Variants in GSTCD observed in about 807,000 individuals in gnomAD.
GSTCD encodes glutathione S-transferase C-terminal domain-containing protein.
GSTCD carries 44 observed loss-of-function variants against 68.3 expected under a neutral mutation model. The ratio of observed to expected loss-of-function variants is 0.64; its 90% CI spans 0.51 to 0.83. The LOEUF is 0.83. GSTCD is among the 40% of genes least tolerant of loss of function. The pLI, the probability that GSTCD is intolerant of heterozygous loss-of-function variation, is 0.00. For synonymous variants in GSTCD, 273 were observed against 255.2 expected (o/e 1.07, Z -0.67); for missense variants, 739 against 735.9 (o/e 1.00, Z -0.05).
Position 105,729,620 on chromosome 4 carries a change from G to C in GSTCD, c.1240+121G>C, listed in dbSNP as rs190186964. 606 of 476,962 alleles carry C rather than the reference G, an allele frequency of 1.3e-3. 13 individuals are homozygous for C. The Admixed American group carries it at 0.018, about 14-fold the overall frequency. The allele number at this position is 476,962 out of a possible 1,614,324, so 29.5% of individuals were successfully genotyped here. A position where few individuals can be genotyped will look rare whatever the true frequency, so the allele number is the denominator to read the frequency against. On this transcript the variant is annotated intron_variant, in intron 5 of 11. Coordinates refer to ENST00000515279, the MANE Select transcript of GSTCD (RefSeq NM_001370181.1). ...ATATTCTGATTATACTATCAGTTGA[G>C]TTTTCATTTTATTTTTCTTATGAAA...
chr4:105,715,542 ATTAT>A lies in GSTCD; in HGVS notation c.-21-2048_-21-2045del, dbSNP rs370686927. ...AGAAATATAAAATAAAGCAGTAGTG[ATTAT>A]TTGTATTATTAAGAAACTTAGATAA... On this transcript the variant is annotated intron_variant, in intron 1 of 11. Coordinates refer to ENST00000515279, the MANE Select transcript of GSTCD (RefSeq NM_001370181.1). 6.1e-3 allele frequency among the ~76,000 whole-genome samples: 934 copies of A among 152,078 alleles called. 6 individuals carry two copies. Among genetic ancestry groups the A allele is most frequent in the African/African-American group, 0.021 (861 of 41,498 alleles).
intron 3 of GSTCD, among the ~76,000 whole-genome samples, chr4:105,722,974 A>T (rs1732918984): frequency 6.6e-6 from 1 of 151,970 alleles, no homozygotes; most frequent in African/African-American, 2.4e-5. Flanking sequence ...GGATATTAGT[A>T]GAGTGGCCTG....
chr4:105,755,879 C>A (rs1734169922), intron 5 of GSTCD, among the ~76,000 whole-genome samples: 2 of 151,918 alleles, frequency 1.3e-5, no homozygotes, highest in Non-Finnish European at 2.9e-5. Context: ...GCTTTCACAG[C>A]AGGTATGTAT....
At chr4:105,845,061 T>C (rs1446343306) in intron 11 of GSTCD, among the ~76,000 whole-genome samples, 2 of 152,246 alleles carry the variant, frequency 1.3e-5, no homozygotes, top group Non-Finnish European at 2.9e-5. Flanking sequence ...TAAATATTCT[T>C]AAAGACAAAT....
At chr4:105,768,295 G>A (rs1578455266) in intron 5 of GSTCD, among the ~76,000 whole-genome samples, 1 of 152,050 alleles carries the variant, frequency 6.6e-6, no homozygotes, top group African/African-American at 2.4e-5. Context: ...CTCCCAAAGT[G>A]CTAGGCTTAC....
intron 5 of GSTCD, among the ~76,000 whole-genome samples, chr4:105,749,467 G>A (rs779564947): frequency 1.7e-4 from 26 of 151,844 alleles, no homozygotes; most frequent in Non-Finnish European, 3.4e-4. Context: ...ATAGTAATTG[G>A]AGAGATAGAC....
At chr4:105,841,709 G>A (rs923734564) in intron 10 of GSTCD, among the ~76,000 whole-genome samples, 3 of 151,966 alleles carry the variant, frequency 2.0e-5, no homozygotes, top group Admixed American at 6.6e-5. Context: ...AAATTAGCCA[G>A]ATGTGGTGGC....
chr4:105,718,119 C>T, intron 2 of GSTCD, 80 bp downstream of exon 2: 2 of 1,105,814 alleles, frequency 1.8e-6, no homozygotes, highest in South Asian at 3.3e-5. Context: ...ATTTTAACTT[C>T]CTATTAGGAA....
chr4:105,788,221 A>G (rs961842856), intron 5 of GSTCD, among the ~76,000 whole-genome samples: 3 of 152,020 alleles, frequency 2.0e-5, no homozygotes, highest in Non-Finnish European at 2.9e-5. Context: ...TTTGTTTTAC[A>G]TTTTTAAATA....
chr4:105,802,464 A>G lies in GSTCD; in HGVS notation c.1241-20490A>G, dbSNP rs116684913. On this transcript the variant is annotated intron_variant, in intron 5 of 11. Transcript: ENST00000515279. ...TTTTCTTAGGATACCTAAAGGCAGT[A>G]GAATCTTTTTGTTTGTTATTTTTAC... Among the ~76,000 whole-genome samples the G allele has an allele frequency of 3.5e-3, 533 of 152,202 alleles. 4 individuals are homozygous for G. The highest frequency in any genetic ancestry group is 0.012 in the African/African-American group (505 of 41,552).
chr4:105,767,912 T>C (rs1734682517), intron 5 of GSTCD, among the ~76,000 whole-genome samples: 1 of 134,618 alleles, frequency 7.4e-6, no homozygotes, highest in Admixed American at 7.8e-5. Flanking sequence ...TCTCGAAGTG[T>C]CATCTTGAGA....
At position 105,719,586 on chromosome 4, in the gene GSTCD, G is replaced by A; in HGVS notation, c.894+59G>A. 3 of 1,263,464 alleles carry A rather than the reference G, an allele frequency of 2.4e-6. No individual in the cohort carries two copies. In the African/African-American group the frequency reaches 4.5e-5, roughly 19 times the overall value. The allele number at this position is 1,263,464 out of a possible 1,614,324, so 78.3% of individuals were successfully genotyped here. A position where few individuals can be genotyped will look rare whatever the true frequency, so the allele number is the denominator to read the frequency against. ...GAGTTTCAGTCTATGAAATTGCCTA[G>A]GTTTGAATTTCTGTTTTACTTTTTA... is the stretch of plus-strand genomic sequence containing the variant. On this transcript the variant is annotated intron_variant, in intron 3 of 11. Transcript: ENST00000515279.
At chr4:105,817,439 A>C (rs896127230) in intron 5 of GSTCD, among the ~76,000 whole-genome samples, 1 of 151,804 alleles carries the variant, frequency 6.6e-6, no homozygotes, top group African/African-American at 2.4e-5. Flanking sequence ...ATGCCATCAC[A>C]CTGTTAAGCT....
At chr4:105,783,865 A>G (rs1162223599) in intron 5 of GSTCD, among the ~76,000 whole-genome samples, 1 of 152,108 alleles carries the variant, frequency 6.6e-6, no homozygotes, top group Non-Finnish European at 1.5e-5. Flanking sequence ...CTCTTTTGTC[A>G]TTTATGATCT....
chr4:105,819,502 G>A (rs921459771), intron 5 of GSTCD, among the ~76,000 whole-genome samples: 1 of 151,750 alleles, frequency 6.6e-6, no homozygotes, highest in African/African-American at 2.4e-5. Flanking sequence ...ATATAGATGA[G>A]TATTGGGCAT....
At chr4:105,786,038 C>T (rs943896857) in intron 5 of GSTCD, among the ~76,000 whole-genome samples, 1 of 152,156 alleles carries the variant, frequency 6.6e-6, no homozygotes, top group African/African-American at 2.4e-5. Context: ...TTACATCATA[C>T]TCATAATTTA....
chr4:105,743,601 A>C (rs1245028302), intron 5 of GSTCD, among the ~76,000 whole-genome samples: 1 of 149,012 alleles, frequency 6.7e-6, no homozygotes, highest in Non-Finnish European at 1.5e-5. Context: ...AGTTGCAGAC[A>C]TTGTTCACTT....
chr4:105,841,749 C>G (rs1184388764), intron 10 of GSTCD, among the ~76,000 whole-genome samples: 1 of 151,918 alleles, frequency 6.6e-6, no homozygotes, highest in Non-Finnish European at 1.5e-5. Flanking sequence ...TACACGGAGG[C>G]TGAGGCATGA....
At chr4:105,801,016 AAACTAGACAGC>A (rs1736087011) in intron 5 of GSTCD, among the ~76,000 whole-genome samples, 1 of 152,158 alleles carries the variant, frequency 6.6e-6, no homozygotes. Context: ...GTACTTAGGA[AAACTAGACAGC>A]ATTTCAGCAC....
Sources: allele counts gnomAD v4.1 joint callset (sites outside exome capture counted in the v4.1 genomes callset), GRCh38; gene constraint gnomAD v4.1.1; transcripts MANE v1.5; gene names NCBI Gene and HGNC (gene_info 2026-07-23, HGNC 2026-07-21).